The following RAB27A variants were observed in gnomAD, a reference collection of about 807,000 sequenced individuals.
RAB27A encodes the protein ras-related protein Rab-27A.
A neutral mutation model predicts 20.8 loss-of-function variants in RAB27A; 17 were observed. That is an observed-to-expected ratio of 0.82 (90% confidence interval 0.56 to 1.23). RAB27A has a LOEUF of 1.23. RAB27A is among the 50% of genes most tolerant of loss of function. RAB27A has a pLI of 0.00. For missense variants in RAB27A, 277 were observed against 266.7 expected (o/e 1.04, Z -0.27); for synonymous variants, 85 against 92.8 (o/e 0.92, Z 0.48).
At chr15:55,307,828 C>A (rs1384070619) in intron 2 of RAB27A, among the ~76,000 whole-genome samples, 2 of 151,312 alleles carry the variant, frequency 1.3e-5, no homozygotes, top group Non-Finnish European at 2.9e-5. Context: ...GCACACTTCA[C>A]AGGCCCTGAC....
At chr15:55,281,998 T>C (rs531148899) in intron 1 of RAB27A, among the ~76,000 whole-genome samples, 98 of 152,206 alleles carry the variant, frequency 6.4e-4, no homozygotes, top group African/African-American at 2.3e-3. Flanking sequence ...GGGGCAAGAA[T>C]TGGAACAGAA....
chr15:55,227,951 T>C (rs1895875319), intron 5 of RAB27A, among the ~76,000 whole-genome samples: 1 of 152,194 alleles, frequency 6.6e-6, no homozygotes. Flanking sequence ...AATATACATT[T>C]GAAAGCTGTT....
intron 2 of RAB27A, among the ~76,000 whole-genome samples, chr15:55,244,830 G>C (rs1896627717): frequency 6.6e-6 from 1 of 152,126 alleles, no homozygotes. Flanking sequence ...GATTGATTTG[G>C]AGAAAATGTT....
At chr15:55,207,463 G>A (rs1894706115) in intron 6 of RAB27A, among the ~76,000 whole-genome samples, 1 of 152,150 alleles carries the variant, frequency 6.6e-6, no homozygotes, top group Non-Finnish European at 1.5e-5. Flanking sequence ...ATTTATCCCA[G>A]TGAGCTGTAC....
intron 1 of RAB27A, among the ~76,000 whole-genome samples, chr15:55,285,205 C>T (rs529121696): frequency 2.2e-4 from 33 of 151,626 alleles, no homozygotes; most frequent in African/African-American, 7.5e-4. Context: ...TCCATCCCCA[C>T]ATTAGAATCA....
intron 1 of RAB27A, among the ~76,000 whole-genome samples, chr15:55,277,537 C>G (rs1261373805): frequency 6.6e-6 from 1 of 152,154 alleles, no homozygotes; most frequent in African/African-American, 2.4e-5. Flanking sequence ...CTCCCCTCAC[C>G]TTTGCTGTCA....
chr15:55,301,974 G>A lies in RAB27A; in HGVS notation c.-112+12065C>T, dbSNP rs182930279. Among the ~76,000 whole-genome samples, 575 of 151,980 alleles carry A rather than the reference G, an allele frequency of 3.8e-3. 2 individuals carry two copies. Among genetic ancestry groups the A allele is most frequent in the Admixed American group, 6.4e-3 (97 of 15,274 alleles). ...CACCCTAAAAATAATCCCCACGGCCGGGGGCAGTGGCCTGGCCAATATGGT... is the reference window on the plus strand; with the variant it reads ...CACCCTAAAAATAATCCCCACGGCCAGGGGCAGTGGCCTGGCCAATATGGT... On this transcript the variant is annotated intron_variant, in intron 2 of 5. Transcript: ENST00000563262.
intron 1 of RAB27A, among the ~76,000 whole-genome samples, chr15:55,275,942 AAG>A (rs1006172766): frequency 1.2e-4 from 18 of 149,216 alleles, no homozygotes; most frequent in Admixed American, 1.1e-3. Context: ...AAAAAAAAAC[AAG>A]AGATAAGTGT....
At chr15:55,237,710 C>G (rs1003388644) in intron 2 of RAB27A, among the ~76,000 whole-genome samples, 4 of 152,052 alleles carry the variant, frequency 2.6e-5, no homozygotes, top group Admixed American at 1.3e-4. Flanking sequence ...TGAGGGCTTC[C>G]CCTCAAACTG....
At chr15:55,275,527 T>A (rs1397039313) in intron 1 of RAB27A, among the ~76,000 whole-genome samples, 1 of 151,606 alleles carries the variant, frequency 6.6e-6, no homozygotes, top group Non-Finnish European at 1.5e-5. Flanking sequence ...CTCGGGAGGC[T>A]GAGGCACGAG....
chr15:55,262,631 C>CTTTTTTTTTTTTTTTTTTTTTTTTTTT, intron 2 of RAB27A, among the ~76,000 whole-genome samples: 1 of 116,916 alleles, frequency 8.6e-6, no homozygotes, highest in Non-Finnish European at 1.7e-5. Context: ...TCTTTTTTTT[C>CTTTTTTTTTTTTTTTTTTTTTTTTTTT]TTTTTTTTTG....
chr15:55,261,407 A>T (rs1897262566), intron 2 of RAB27A, among the ~76,000 whole-genome samples: 1 of 151,422 alleles, frequency 6.6e-6, no homozygotes, highest in Admixed American at 6.6e-5. Context: ...AAAAAAAAAT[A>T]AAAATAATAA....
intron 1 of RAB27A, among the ~76,000 whole-genome samples, chr15:55,280,251 T>A (rs1266017206): frequency 6.6e-6 from 1 of 152,040 alleles, no homozygotes; most frequent in Non-Finnish European, 1.5e-5. Context: ...ACAGGGAGAT[T>A]TGAGTTCTAT....
upstream of RAB27A, among the ~76,000 whole-genome samples, chr15:55,292,832 G>C (rs2054930256): frequency 6.6e-6 from 1 of 152,178 alleles, no homozygotes; most frequent in Non-Finnish European, 1.5e-5. Flanking sequence ...GAATCAATGA[G>C]CTAATCTAGA....
At chr15:55,207,248 A>C (rs1230768356) in intron 6 of RAB27A, among the ~76,000 whole-genome samples, 1 of 152,212 alleles carries the variant, frequency 6.6e-6, no homozygotes, top group Non-Finnish European at 1.5e-5. Flanking sequence ...TATCTGATAA[A>C]ATTGAAACAT....
intron 2 of RAB27A, among the ~76,000 whole-genome samples, chr15:55,252,854 G>C (rs1249371199): frequency 6.6e-6 from 1 of 152,014 alleles, no homozygotes; most frequent in Non-Finnish European, 1.5e-5. Context: ...AGGCTCCCTG[G>C]CCGGGCGCGG....
intron 2 of RAB27A, among the ~76,000 whole-genome samples, chr15:55,310,219 C>T (rs1595757434): frequency 6.6e-6 from 1 of 152,092 alleles, no homozygotes; most frequent in Non-Finnish European, 1.5e-5. Context: ...GTCCTAGGAC[C>T]CCTCAGATAG....
chr15:55,288,832 A>G (rs1898229411), intron 1 of RAB27A: 1 of 152,064 alleles, frequency 6.6e-6, no homozygotes, highest in South Asian at 2.1e-4. Context: ...AAAAAAAAAA[A>G]GAACAAGAAC....
intron 6 of RAB27A, among the ~76,000 whole-genome samples, chr15:55,212,622 C>G (rs867824854): frequency 6.6e-6 from 1 of 151,954 alleles, no homozygotes; most frequent in African/African-American, 2.4e-5. Context: ...CTCCGCCTCC[C>G]GGGCTCACGC....
Sources: gnomAD v4.1 joint callset for allele counts (sites outside exome capture counted in the v4.1 genomes callset) on GRCh38, gnomAD v4.1.1 for gene constraint, MANE v1.5 for transcripts, NCBI Gene and HGNC (gene_info 2026-07-23, HGNC 2026-07-21) for gene names.